Variants in FTCDNL1 observed in about 807,000 individuals in gnomAD.
FTCDNL1 encodes the protein formiminotransferase cyclodeaminase N-terminal like, also known as formiminotransferase N-terminal subdomain-containing protein.
Under a neutral mutation model 5.9 loss-of-function variants are expected in FTCDNL1, and 11 were observed. That is an observed-to-expected ratio of 1.87 (90% confidence interval 1.18 to 3.10). The LOEUF (loss-of-function observed/expected upper bound fraction) is 3.10, where lower values mean the gene tolerates loss of function less well. FTCDNL1 is among the 30% of genes most tolerant of loss of function. The probability of loss-of-function intolerance (pLI) is 0.00; values close to 1 mark genes in which losing one functional copy is unlikely to be tolerated. For missense variants in FTCDNL1, 115 were observed against 65.5 expected (o/e 1.76, Z -2.61); for synonymous variants, 58 against 24.8 (o/e 2.34, Z -3.99).
At chr2:199,727,851 C>T in the FTCDNL1 span, among the ~76,000 whole-genome samples, 1 of 152,130 alleles carries the variant, frequency 6.6e-6, no homozygotes, top group Non-Finnish European at 1.5e-5. Flanking sequence ...CATATAAAGG[C>T]AACCCATTTA....
chr2:199,702,204 G>T, the FTCDNL1 span, among the ~76,000 whole-genome samples: 3 of 152,068 alleles, frequency 2.0e-5, no homozygotes, highest in Non-Finnish European at 4.4e-5. Flanking sequence ...CCTTGGAGAT[G>T]AAATAATCTG....
chr2:199,695,649 A>G, the FTCDNL1 span, among the ~76,000 whole-genome samples: 1 of 152,154 alleles, frequency 6.6e-6, no homozygotes, highest in African/African-American at 2.4e-5. Flanking sequence ...GAATGAGTGT[A>G]GAGTGACCCA....
chr2:199,799,989 G>A (rs1700362865), intron 3 of FTCDNL1, among the ~76,000 whole-genome samples: 1 of 151,924 alleles, frequency 6.6e-6, no homozygotes. Flanking sequence ...CTTCCTCCAT[G>A]GAGGTTACAG....
chr2:199,774,354 C>T (rs191038837), intron 3 of FTCDNL1, among the ~76,000 whole-genome samples: 230 of 152,294 alleles, frequency 1.5e-3, no homozygotes, highest in Admixed American at 0.014. Context: ...GATTATGTGG[C>T]CAGGTGTCAC....
chr2:199,762,076 T>C (rs1286243799), intron 3 of FTCDNL1, among the ~76,000 whole-genome samples: 1 of 152,160 alleles, frequency 6.6e-6, no homozygotes, highest in Non-Finnish European at 1.5e-5. Flanking sequence ...CTTGTAATGT[T>C]TTAAGAAAGT....
the FTCDNL1 span, among the ~76,000 whole-genome samples, chr2:199,750,577 T>C: frequency 1.3e-5 from 2 of 152,064 alleles, no homozygotes; most frequent in Non-Finnish European, 2.9e-5. Flanking sequence ...GAGAAAGAAA[T>C]ATTGATGCTC....
the FTCDNL1 span, among the ~76,000 whole-genome samples, chr2:199,665,255 A>T: frequency 2.6e-5 from 4 of 152,158 alleles, no homozygotes; most frequent in Non-Finnish European, 4.4e-5. Flanking sequence ...AGCCTCCGTC[A>T]CCAGTGTCTT....
the FTCDNL1 span, among the ~76,000 whole-genome samples, chr2:199,669,385 A>G: frequency 6.6e-6 from 1 of 152,232 alleles, no homozygotes; most frequent in African/African-American, 2.4e-5. Context: ...TAATTTTCAA[A>G]GGTTTCCATC....
chr2:199,821,346 GAC>G (rs1252329397), intron 3 of FTCDNL1, among the ~76,000 whole-genome samples: 1 of 139,430 alleles, frequency 7.2e-6, no homozygotes, highest in African/African-American at 2.8e-5. Context: ...TTTTTTAGTA[GAC>G]ACAGGGTTTC....
chr2:199,830,965 C>T (rs562663444), intron 3 of FTCDNL1, among the ~76,000 whole-genome samples: 2 of 152,296 alleles, frequency 1.3e-5, no homozygotes, highest in East Asian at 1.9e-4. Flanking sequence ...CGTTCTGTTG[C>T]CTGTTTTTTC....
chr2:199,737,777 A>C, the FTCDNL1 span, among the ~76,000 whole-genome samples: 7 of 152,188 alleles, frequency 4.6e-5, no homozygotes, highest in African/African-American at 1.7e-4. Context: ...GTGAATAAAG[A>C]ACTCCGCATT....
At chr2:199,765,552 ATATATTT>A (rs1170098715) in intron 3 of FTCDNL1, among the ~76,000 whole-genome samples, 2 of 57,736 alleles carry the variant, frequency 3.5e-5, no homozygotes, top group Non-Finnish European at 7.9e-5. Context: ...ATATATATAT[ATATATTT>A]TTTTTTTTTT....
the FTCDNL1 span, among the ~76,000 whole-genome samples, chr2:199,674,363 C>T: frequency 1.3e-5 from 2 of 152,128 alleles, no homozygotes; most frequent in Non-Finnish European, 2.9e-5. Flanking sequence ...AGGCTGAGAT[C>T]AGTGCTGCAG....
chr2:199,667,668 A>C, the FTCDNL1 span, among the ~76,000 whole-genome samples: 5 of 152,124 alleles, frequency 3.3e-5, no homozygotes, highest in African/African-American at 1.2e-4. Flanking sequence ...ATAAATAAAT[A>C]AATCAAAGAA....
At chr2:199,764,262 T>A (rs554187511) in intron 3 of FTCDNL1, among the ~76,000 whole-genome samples, 37 of 152,322 alleles carry the variant, frequency 2.4e-4, no homozygotes, top group South Asian at 1.0e-3. Flanking sequence ...ACTAAAACAT[T>A]ACTTTGTTTA....
intron 3 of FTCDNL1, among the ~76,000 whole-genome samples, chr2:199,771,990 T>G (rs1698835233): frequency 6.6e-6 from 1 of 152,220 alleles, no homozygotes. Flanking sequence ...CAGCAGTAGC[T>G]AATAATAAAA....
At chr2:199,698,415 T>C in the FTCDNL1 span, among the ~76,000 whole-genome samples, 3 of 152,136 alleles carry the variant, frequency 2.0e-5, no homozygotes, top group African/African-American at 7.2e-5. Context: ...TTTTTAAAAA[T>C]GAAATCATAC....
At chr2:199,835,582 C>T (rs1044207578) in intron 3 of FTCDNL1, among the ~76,000 whole-genome samples, 6 of 151,988 alleles carry the variant, frequency 3.9e-5, no homozygotes, top group Non-Finnish European at 7.4e-5. Flanking sequence ...AGCCCATCAA[C>T]GTCATTAACA....
chr2:199,778,546 C>T (rs1168207730), intron 3 of FTCDNL1, among the ~76,000 whole-genome samples: 2 of 152,112 alleles, frequency 1.3e-5, no homozygotes, highest in African/African-American at 4.8e-5. Flanking sequence ...ATTCCTCCTT[C>T]TAGGGAGCCA....
Sources: allele counts gnomAD v4.1 joint callset (sites outside exome capture counted in the v4.1 genomes callset), GRCh38; gene constraint gnomAD v4.1.1; transcripts MANE v1.5; gene names NCBI Gene and HGNC (gene_info 2026-07-23, HGNC 2026-07-21).